Variants in TOP6BL observed in about 807,000 individuals in gnomAD.
TOP6BL encodes the protein type 2 DNA topoisomerase 6 subunit B-like.
At chr11:66,839,338 C>T in the TOP6BL span, 1 of 383,978 alleles carries the variant, frequency 2.6e-6, no homozygotes, top group Non-Finnish European at 5.2e-6. Context: ...AATAAACTTA[C>T]CCAAGGCTAC....
At chr11:66,836,341 T>C in the TOP6BL span, among the ~76,000 whole-genome samples, 1 of 151,888 alleles carries the variant, frequency 6.6e-6, no homozygotes, top group Admixed American at 6.6e-5. Context: ...CTCAAGTAGC[T>C]GGGACTTACA....
chr11:66,748,871 CAAAAAAA>C, the TOP6BL span, among the ~76,000 whole-genome samples: 9 of 56,226 alleles, frequency 1.6e-4, no homozygotes, highest in East Asian at 4.6e-4. Flanking sequence ...TTGGCAGTAG[CAAAAAAA>C]AAAAAAAAAA....
chr11:66,803,997 G>A, the TOP6BL span: 2 of 1,597,746 alleles, frequency 1.3e-6, no homozygotes, highest in Non-Finnish European at 1.7e-6. Context: ...TCTGACAGTA[G>A]ACCAAATTTT....
chr11:66,760,053 T>A, the TOP6BL span, among the ~76,000 whole-genome samples: 2 of 152,260 alleles, frequency 1.3e-5, no homozygotes, highest in Admixed American at 6.5e-5. Flanking sequence ...AATGAATTGT[T>A]AATTTACAAA....
At chr11:66,819,690 G>T in the TOP6BL span, among the ~76,000 whole-genome samples, 1 of 152,016 alleles carries the variant, frequency 6.6e-6, no homozygotes, top group Non-Finnish European at 1.5e-5. Context: ...TCACACTGAG[G>T]TCAGGAGTTT....
the TOP6BL span, among the ~76,000 whole-genome samples, chr11:66,813,197 G>T: frequency 6.6e-6 from 1 of 152,102 alleles, no homozygotes; most frequent in African/African-American, 2.4e-5. Context: ...TTGTAAATAT[G>T]ATAAACTTGA....
the TOP6BL span, chr11:66,821,505 G>A: frequency 1.2e-6 from 1 of 858,566 alleles, no homozygotes; most frequent in Non-Finnish European, 1.7e-6. Flanking sequence ...TCGATCTCCT[G>A]ACCTCGTGAT....
At chr11:66,807,083 A>G in the TOP6BL span, among the ~76,000 whole-genome samples, 1 of 152,336 alleles carries the variant, frequency 6.6e-6, no homozygotes, top group Non-Finnish European at 1.5e-5. Flanking sequence ...GGAGATAAAT[A>G]GAACAAAGTA....
the TOP6BL span, among the ~76,000 whole-genome samples, chr11:66,745,309 C>CTGGGGGGGGG: frequency 8.5e-5 from 1 of 11,812 alleles, no homozygotes; most frequent in African/African-American, 2.9e-4. Flanking sequence ...CGTTGCGGGG[C>CTGGGGGGGGG]GGGGTGGGGG....
chr11:66,827,045 G>A, the TOP6BL span, among the ~76,000 whole-genome samples: 29 of 131,328 alleles, frequency 2.2e-4, no homozygotes, highest in Middle Eastern at 4.8e-3. Context: ...GCAATGGCGC[G>A]ATCTCGGCTC....
At chr11:66,794,248 A>ATACC in the TOP6BL span, among the ~76,000 whole-genome samples, 6 of 151,242 alleles carry the variant, frequency 4.0e-5, no homozygotes, top group Non-Finnish European at 7.4e-5. Context: ...TTTTTAACAT[A>ATACC]TACCTAGTAC....
At chr11:66,764,677 AAAT>A in the TOP6BL span, among the ~76,000 whole-genome samples, 1 of 150,260 alleles carries the variant, frequency 6.7e-6, no homozygotes, top group East Asian at 2.0e-4. Context: ...AAAAAAAAAA[AAAT>A]AAAGAAGTGA....
At chr11:66,832,258 C>T in the TOP6BL span, among the ~76,000 whole-genome samples, 3 of 151,724 alleles carry the variant, frequency 2.0e-5, no homozygotes, top group Non-Finnish European at 1.5e-5. Context: ...CCACCATGCC[C>T]GACTAATTGT....
At chr11:66,805,469 T>G in the TOP6BL span, among the ~76,000 whole-genome samples, 3 of 149,952 alleles carry the variant, frequency 2.0e-5, no homozygotes, top group Non-Finnish European at 3.0e-5. Context: ...GCTTTTTTGT[T>G]TTTTTTTTTG....
chr11:66,831,508 A>G, the TOP6BL span, among the ~76,000 whole-genome samples: 3 of 152,242 alleles, frequency 2.0e-5, no homozygotes, highest in Non-Finnish European at 4.4e-5. Flanking sequence ...AAAGGAGTAC[A>G]TACTGTTTGA....
At chr11:66,800,956 G>C in the TOP6BL span, 1 of 1,519,690 alleles carries the variant, frequency 6.6e-7, no homozygotes, top group South Asian at 1.2e-5. Flanking sequence ...TAGTAGTCAT[G>C]GGCCAAAATT....
the TOP6BL span, among the ~76,000 whole-genome samples, chr11:66,840,836 G>A: frequency 2.6e-5 from 4 of 152,096 alleles, no homozygotes; most frequent in Non-Finnish European, 5.9e-5. Flanking sequence ...CTCTGGTCAT[G>A]CCTAAATAGT....
chr11:66,760,720 C>T, the TOP6BL span, among the ~76,000 whole-genome samples: 2 of 149,334 alleles, frequency 1.3e-5, no homozygotes, highest in Non-Finnish European at 3.0e-5. Flanking sequence ...GGGAAGATTG[C>T]TTGAGCCTGG....
the TOP6BL span, among the ~76,000 whole-genome samples, chr11:66,797,270 G>C: frequency 1.3e-5 from 2 of 152,016 alleles, no homozygotes; most frequent in Non-Finnish European, 2.9e-5. Flanking sequence ...AAAGTGCTGG[G>C]ATTACAGGCC....
Sources: allele counts gnomAD v4.1 joint callset (sites outside exome capture counted in the v4.1 genomes callset), GRCh38; gene constraint gnomAD v4.1.1; transcripts MANE v1.5; gene names NCBI Gene and HGNC (gene_info 2026-07-23, HGNC 2026-07-21).